The following VWA8 variants were observed in gnomAD, a reference collection of about 807,000 sequenced individuals.
VWA8 encodes the protein von Willebrand factor A domain-containing protein 8.
A neutral mutation model predicts 241.5 loss-of-function variants in VWA8; 221 were observed. That is an observed-to-expected ratio of 0.91 (90% CI 0.82 to 1.02). The LOEUF (loss-of-function observed/expected upper bound fraction) is 1.02, where lower values mean the gene tolerates loss of function less well. Among genes scored for constraint, VWA8 ranks in the 50% least tolerant of loss-of-function variants. The pLI is 0.00. For synonymous variants in VWA8, 852 were observed against 827.1 expected, an observed-to-expected ratio of 1.03 and a Z score of -0.52; for missense variants, 2,322 against 2,328.7, an observed-to-expected ratio of 1.00 and a Z score of 0.06.
At chr13:41,641,648 T>C (rs35593635) in intron 37 of VWA8, among the ~76,000 whole-genome samples, 9,967 of 152,174 alleles carry the variant, frequency 0.065, 618 homozygotes, top group African/African-American at 0.16. Flanking sequence ...AAGACGGCTG[T>C]TCTGCTCTTA....
chr13:41,883,676 G>A (rs1874375491), intron 8 of VWA8, among the ~76,000 whole-genome samples, 185 bp from the exon 9 acceptor site: 1 of 152,018 alleles, frequency 6.6e-6, no homozygotes, highest in African/African-American at 2.4e-5. Flanking sequence ...CTTTCTCTGG[G>A]TAAGCTTACC....
intron 12 of VWA8, among the ~76,000 whole-genome samples, chr13:41,846,117 G>A (rs1872280466): frequency 6.6e-6 from 1 of 150,472 alleles, no homozygotes; most frequent in African/African-American, 2.5e-5. Context: ...CACTAATAGT[G>A]TACCACAGTG....
At chr13:41,913,271 A>G (rs771720212) in intron 2 of VWA8, among the ~76,000 whole-genome samples, 1 of 152,230 alleles carries the variant, frequency 6.6e-6, no homozygotes, top group Non-Finnish European at 1.5e-5. Context: ...AGTTGATGAT[A>G]ACTGGATACC....
intron 5 of VWA8, 51 bp from the exon 6 acceptor site, chr13:41,887,412 A>G (rs757539594): frequency 1.5e-5 from 24 of 1,555,086 alleles, no homozygotes; most frequent in Non-Finnish European, 2.0e-5. Flanking sequence ...ACAAATCACA[A>G]CTGTAAGAGC....
In VWA8 at chr13:41,719,682, T is replaced by C; in HGVS notation, c.3025A>G (p.Asn1009Asp). The change falls in exon 26 of 45, where the codon AAC (asparagine) becomes GAC (aspartate). Residue 1009 changes from asparagine to aspartate, a missense_variant. Asn to Asp is a conservative substitution (Grantham distance 23). Transcript: ENST00000379310. The stretch of plus-strand genomic sequence containing the variant: ...ATCAATATCTCCCTCATGTCATTGT[T>C]GTAGGAATCAAAGTCAAACACATTT... ...VRNVFDFDSY[N>D]NDMREILINT... The C allele has an allele frequency of 6.2e-7, 1 of 1,613,292 alleles. No homozygotes were observed. The highest frequency in any genetic ancestry group is 8.5e-7 in the Non-Finnish European group (1 of 1,179,516).
At chr13:41,878,790 T>A (rs978857912) in intron 9 of VWA8, among the ~76,000 whole-genome samples, 6 of 152,280 alleles carry the variant, frequency 3.9e-5, no homozygotes, top group Non-Finnish European at 7.4e-5. Context: ...CACTAGCTAC[T>A]TTATTAAGAA....
At chr13:41,680,076 G>A (rs751429032) in intron 35 of VWA8, among the ~76,000 whole-genome samples, 1 of 151,542 alleles carries the variant, frequency 6.6e-6, no homozygotes, top group Non-Finnish European at 1.5e-5. Flanking sequence ...ATTTTGCTTG[G>A]ATTAACATCC....
intron 21 of VWA8, among the ~76,000 whole-genome samples, chr13:41,750,060 C>T (rs779804581): frequency 2.6e-5 from 4 of 152,004 alleles, no homozygotes; most frequent in African/African-American, 4.8e-5. Flanking sequence ...GCCATGGTTG[C>T]CATAGATACT....
At chr13:41,772,752 T>C (rs1230655041) in intron 20 of VWA8, among the ~76,000 whole-genome samples, 1 of 152,236 alleles carries the variant, frequency 6.6e-6, no homozygotes, top group Non-Finnish European at 1.5e-5. Flanking sequence ...CAGGCTACTT[T>C]ATTTTACTAT....
rs771873954 is a variant in VWA8, at chr13:41,783,818, C to T, written c.2254G>A (p.Val752Ile). The T allele has an allele frequency of 1.9e-6, 3 of 1,613,014 alleles. No individual in the cohort carries two copies. The highest frequency in any genetic ancestry group is 2.5e-6 in the Non-Finnish European group (3 of 1,179,628). Residue 752 changes from valine to isoleucine, a missense_variant, in exon 19 of 45, where the codon GTT (valine) becomes ATT (isoleucine). By Grantham distance (29) the Val-to-Ile change is conservative. Coordinates refer to ENST00000379310, the MANE Select transcript of VWA8 (RefSeq NM_015058.2). Reference sequence around the variant, plus strand: ...ACCTGAATGTTGTCATAGAAAAGAACATCAGGCACTTTCATTTTCTCATGT... The same window carrying T: ...ACCTGAATGTTGTCATAGAAAAGAATATCAGGCACTTTCATTTTCTCATGT... ...NAHEKMKVPD[V>I]LFYDNIQHVI... is the part of the protein sequence containing the mutation.
rs2045464630 is a variant in VWA8, at chr13:41,729,586, T to G, written c.2594A>C (p.Glu865Ala). 4 of 1,612,976 alleles carry G rather than the reference T, an allele frequency of 2.5e-6. No homozygotes were observed. In the East Asian group the frequency reaches 8.9e-5, roughly 36 times the overall value. Residue 865 changes from glutamate (E) to alanine (A), a missense_variant, in exon 23 of 45, where the codon GAA becomes GCA. Transcript: ENST00000379310. ...NVTCILKTLV[E>A]NGEMILADGR... is the part of the protein sequence containing the mutation. Reference sequence around the variant, plus strand: ...ATCTGCTAGAATCATTTCTCCATTTTCTACTAGAGTTTTTAAAATACACGT... The same window carrying G: ...ATCTGCTAGAATCATTTCTCCATTTGCTACTAGAGTTTTTAAAATACACGT...
intron 14 of VWA8, 57 bp from the exon 15 acceptor site, chr13:41,819,443 T>C: frequency 6.5e-7 from 1 of 1,536,674 alleles, no homozygotes; most frequent in Admixed American, 2.2e-5. Flanking sequence ...AGAAATCAGA[T>C]CATGGTAACT....
chr13:41,650,739 A>T (rs1350263374), intron 37 of VWA8, among the ~76,000 whole-genome samples: 2 of 152,174 alleles, frequency 1.3e-5, no homozygotes, highest in African/African-American at 4.8e-5. Flanking sequence ...TGCCCTTCTG[A>T]CACATGTCAA....
At chr13:41,583,690 C>T (rs1165563218) in intron 42 of VWA8, among the ~76,000 whole-genome samples, 2 of 146,648 alleles carry the variant, frequency 1.4e-5, no homozygotes, top group African/African-American at 2.5e-5. Flanking sequence ...TATAAGACAA[C>T]TGGCCTGGAC....
chr13:41,582,164 C>T (rs2044387045), intron 42 of VWA8, among the ~76,000 whole-genome samples: 1 of 152,174 alleles, frequency 6.6e-6, no homozygotes, highest in Non-Finnish European at 1.5e-5. Context: ...ACTTTAAACA[C>T]TCCAAATGGC....
chr13:41,684,942 A>C (rs1375858308), intron 35 of VWA8, 105 bp downstream of exon 35: 2 of 1,055,410 alleles, frequency 1.9e-6, no homozygotes, highest in Non-Finnish European at 2.7e-6. Context: ...GGAATGATCA[A>C]TTTTTATAAG....
intron 37 of VWA8, among the ~76,000 whole-genome samples, chr13:41,662,046 T>G (rs1463808963): frequency 6.6e-6 from 1 of 152,236 alleles, no homozygotes; most frequent in Non-Finnish European, 1.5e-5. Context: ...TGTAGTTTTA[T>G]AGTAAATCTT....
At chr13:41,791,346 G>C (rs1000209370) in intron 17 of VWA8, among the ~76,000 whole-genome samples, 2 of 151,768 alleles carry the variant, frequency 1.3e-5, no homozygotes, top group African/African-American at 4.8e-5. Flanking sequence ...GATAACACTG[G>C]AAAAATTAGT....
At position 41,658,884 on chromosome 13, in the gene VWA8, C is replaced by G. The variant is rs191592983; in HGVS notation, c.4611+12062G>C. Among the ~76,000 whole-genome samples, 122 of 152,294 alleles carry G rather than the reference C, an allele frequency of 8.0e-4. 1 individual carries two copies. The highest frequency in any genetic ancestry group is 1.0e-3 in the Non-Finnish European group (70 of 68,022). ...GCAGTAATATTACATGGGAGAAGGCCTATTCTTATACCTGTATCTTCCTAC... is the reference window on the plus strand; with the variant it reads ...GCAGTAATATTACATGGGAGAAGGCGTATTCTTATACCTGTATCTTCCTAC... On this transcript the variant is annotated intron_variant, in intron 37 of 44. Coordinates refer to ENST00000379310, the MANE Select transcript of VWA8 (RefSeq NM_015058.2).
Sources: gnomAD v4.1 joint callset for allele counts (sites outside exome capture counted in the v4.1 genomes callset) on GRCh38, gnomAD v4.1.1 for gene constraint, MANE v1.5 for transcripts, NCBI Gene and HGNC (gene_info 2026-07-23, HGNC 2026-07-21) for gene names.